VAV3: variants seen among roughly 807,000 people sequenced by gnomAD.
VAV3 encodes vav guanine nucleotide exchange factor 3.
VAV3 carries 94 observed loss-of-function variants against 131.2 expected under a neutral mutation model. The ratio of observed to expected loss-of-function variants is 0.72; its 90% CI spans 0.61 to 0.85. The LOEUF (loss-of-function observed/expected upper bound fraction) is 0.85. VAV3 is among the 40% of genes least tolerant of loss of function. VAV3 has a pLI of 0.00. For missense variants in VAV3, 939 were observed against 1,002.7 expected (o/e 0.94, Z 0.86); for synonymous variants, 349 against 342.0 (o/e 1.02, Z -0.22).
chr1:107,749,450 C>T lies in VAV3; in HGVS notation c.1392+12G>A. ...ATAAGTAAATTACAGTTATTAGTTT[C>T]CAAAAAGTCACCTTTTTGTTTTCTT... On this transcript the variant is annotated intron_variant, in intron 14 of 26. Transcript: ENST00000370056. 1 of 1,584,798 alleles carries T rather than the reference C, an allele frequency of 6.3e-7. No homozygotes were observed. The highest frequency in any genetic ancestry group is 1.2e-5 in the South Asian group (1 of 85,034).
rs1656019591 is a variant in VAV3, at chr1:107,649,764, T to A, written c.1778-7009A>T. 2.0e-5 allele frequency among the ~76,000 whole-genome samples: 3 copies of A among 152,148 alleles called. No individual in the cohort carries two copies. The South Asian group carries it at 6.2e-4, about 32-fold the overall frequency. Reference sequence around the variant, plus strand: ...TTTCCTTCTTTGTTCTATGGGTTCATTCACTTATTCAGCAAATATTTACAG... The same window carrying A: ...TTTCCTTCTTTGTTCTATGGGTTCAATCACTTATTCAGCAAATATTTACAG... On this transcript the variant is annotated intron_variant, in intron 19 of 26. Coordinates refer to ENST00000370056, the MANE Select transcript of VAV3 (RefSeq NM_006113.5).
intron 15 of VAV3, among the ~76,000 whole-genome samples, chr1:107,709,498 T>A (rs1660649017): frequency 6.6e-6 from 1 of 152,218 alleles, no homozygotes; most frequent in African/African-American, 2.4e-5. Flanking sequence ...AAATTTCAAT[T>A]AAATCTCAGA....
intron 26 of VAV3, among the ~76,000 whole-genome samples, chr1:107,573,632 C>T (rs980593275): frequency 7.9e-5 from 12 of 152,158 alleles, no homozygotes; most frequent in African/African-American, 2.7e-4. Context: ...GGGGGCTCTG[C>T]TGCATAATGA....
At chr1:107,764,087 CA>C (rs1664595143) in intron 9 of VAV3, among the ~76,000 whole-genome samples, 1 of 134,952 alleles carries the variant, frequency 7.4e-6, no homozygotes, top group African/African-American at 2.7e-5. Flanking sequence ...AAAAAAAAAA[CA>C]AAAAACAAAA....
chr1:107,656,840 A>T (rs1332725037), intron 19 of VAV3, among the ~76,000 whole-genome samples: 2 of 152,144 alleles, frequency 1.3e-5, no homozygotes, highest in African/African-American at 4.8e-5. Context: ...AAGAGTAGAA[A>T]AAGAGTAAAC....
rs151256396 is a variant in VAV3 at position 107,613,991 on chromosome 1, C to A, written c.1980+3576G>T. On this transcript the variant is annotated intron_variant, in intron 21 of 26. Coordinates refer to ENST00000370056, the MANE Select transcript of VAV3 (RefSeq NM_006113.5). ...GTAGTAGAGCTGGTATGAATTCCAG[C>A]CCTTCATCTGGATGGTTTTGGATTT... Among the ~76,000 whole-genome samples, 17 of 152,200 alleles carry A rather than the reference C, an allele frequency of 1.1e-4. No homozygotes were observed. The East Asian group carries it at 3.3e-3, about 29-fold the overall frequency.
In VAV3 at chr1:107,757,327, T is replaced by C; in HGVS notation, c.1020A>G (p.Glu340=). 12 of 1,611,816 alleles carry C rather than the reference T, an allele frequency of 7.4e-6. No individual in the cohort carries two copies. Among genetic ancestry groups the C allele is most frequent in the Non-Finnish European group, 1.0e-5 (12 of 1,179,340 alleles). The part of the protein sequence containing the change: ...RVLKYHLLLQ[E]LVKHTTDPTE... ...TCGGATCAGTGGTATGTTTGACCAGTTCCTATTTGGAAGATATGGTTTAGT... is the reference window on the plus strand; with the variant it reads ...TCGGATCAGTGGTATGTTTGACCAGCTCCTATTTGGAAGATATGGTTTAGT... The change falls in exon 11 of 27, where the codon GAA becomes GAG. Residue 340 remains glutamate, a splice_region_variant and synonymous_variant. Transcript: ENST00000370056.
At chr1:107,884,026 C>T (rs1670907553) in intron 1 of VAV3, among the ~76,000 whole-genome samples, 1 of 151,944 alleles carries the variant, frequency 6.6e-6, no homozygotes, top group Non-Finnish European at 1.5e-5. Context: ...AGTTAATTAA[C>T]CTGCTAATGA....
chr1:107,598,743 C>T (rs932358649), intron 24 of VAV3, among the ~76,000 whole-genome samples: 1 of 151,758 alleles, frequency 6.6e-6, no homozygotes, highest in Non-Finnish European at 1.5e-5. Context: ...TACTTAGTGA[C>T]CAATATTGCT....
intron 12 of VAV3, among the ~76,000 whole-genome samples, chr1:107,751,884 T>C (rs920753573): frequency 6.6e-6 from 1 of 152,162 alleles, no homozygotes; most frequent in African/African-American, 2.4e-5. Context: ...GTTCAGAAAT[T>C]CCATTTTAAT....
intron 19 of VAV3, among the ~76,000 whole-genome samples, chr1:107,679,138 G>GA (rs970160666): frequency 9.2e-5 from 14 of 152,100 alleles, no homozygotes; most frequent in Non-Finnish European, 8.8e-5. Context: ...TAACAAATGA[G>GA]AATGGCGTTA....
intron 25 of VAV3, among the ~76,000 whole-genome samples, chr1:107,585,457 G>A (rs1650406412): frequency 6.6e-6 from 1 of 152,066 alleles, no homozygotes. Context: ...ATGGTTTCCT[G>A]TTTCTTCAAG....
chr1:107,924,098 T>C (rs997268916), intron 1 of VAV3, among the ~76,000 whole-genome samples: 1 of 152,164 alleles, frequency 6.6e-6, no homozygotes, highest in African/African-American at 2.4e-5. Context: ...TTTTAGAACA[T>C]GTAATTCCAT....
In VAV3 at chr1:107,755,527, A is replaced by T. The variant is rs1399537049; in HGVS notation, c.1087-14T>A. ...TTGTGCCAAGTCCTAGACAATAAAG[A>T]AAAGGGTAGAAAAAGAAGGCACACT... On this transcript the variant is annotated splice_polypyrimidine_tract_variant and intron_variant, in intron 11 of 26. Transcript: ENST00000370056. 3 of 1,588,388 alleles carry T rather than the reference A, an allele frequency of 1.9e-6. No homozygotes were observed. Among genetic ancestry groups the T allele is most frequent in the Non-Finnish European group, 2.6e-6 (3 of 1,159,902 alleles).
At chr1:107,847,764 T>C (rs1029431334) in intron 2 of VAV3, among the ~76,000 whole-genome samples, 2 of 152,122 alleles carry the variant, frequency 1.3e-5, no homozygotes, top group Non-Finnish European at 2.9e-5. Context: ...GTTCTGAAAC[T>C]GAGGCAGTAA....
intron 25 of VAV3, among the ~76,000 whole-genome samples, chr1:107,575,159 A>T (rs1649554805): frequency 6.6e-6 from 1 of 152,086 alleles, no homozygotes; most frequent in African/African-American, 2.4e-5. Flanking sequence ...CTTTATATTA[A>T]CTTCTCTACC....
At chr1:107,621,430 T>C (rs897432271) in intron 20 of VAV3, among the ~76,000 whole-genome samples, 5 of 152,048 alleles carry the variant, frequency 3.3e-5, no homozygotes, top group African/African-American at 1.2e-4. Context: ...AGGGCTTTCT[T>C]TGGTTTCTTG....
At chr1:107,877,440 A>G (rs534986751) in intron 1 of VAV3, among the ~76,000 whole-genome samples, 1 of 152,300 alleles carries the variant, frequency 6.6e-6, no homozygotes, top group Admixed American at 6.5e-5. Flanking sequence ...CCTGTAGGGA[A>G]AGCTGCAGAA....
intron 1 of VAV3, among the ~76,000 whole-genome samples, chr1:107,878,945 G>A (rs998670394): frequency 2.0e-5 from 3 of 151,660 alleles, no homozygotes; most frequent in Non-Finnish European, 2.9e-5. Context: ...TTACTTACAC[G>A]CTAGTATTCT....
Sources: allele counts gnomAD v4.1 joint callset (sites outside exome capture counted in the v4.1 genomes callset), GRCh38; gene constraint gnomAD v4.1.1; transcripts MANE v1.5; gene names NCBI Gene and HGNC (gene_info 2026-07-23, HGNC 2026-07-21).